PAN3: variants seen among roughly 807,000 people sequenced by gnomAD.
PAN3 encodes PAN2-PAN3 deadenylation complex subunit PAN3.
In PAN3, 19 loss-of-function variants were observed where a neutral mutation model predicts 96.2. That is an observed-to-expected ratio of 0.20 (90% CI 0.14 to 0.29). The LOEUF is 0.29. PAN3 is among the 10% of genes least tolerant of loss of function. The pLI, the probability that PAN3 is intolerant of heterozygous loss-of-function variation, is 1.00. For missense variants in PAN3, 882 were observed against 1,108.1 expected, an observed-to-expected ratio of 0.80 and a Z score of 2.90; for synonymous variants, 433 against 406.6, an observed-to-expected ratio of 1.06 and a Z score of -0.78.
At chr13:28,212,382 A>G (rs906110182) in intron 5 of PAN3, among the ~76,000 whole-genome samples, 1 of 152,182 alleles carries the variant, frequency 6.6e-6, no homozygotes, top group Non-Finnish European at 1.5e-5. Flanking sequence ...CAGAGAGCAA[A>G]GGTCAAGAAG....
intron 6 of PAN3, among the ~76,000 whole-genome samples, chr13:28,245,617 A>G (rs2138525300): frequency 6.6e-6 from 1 of 152,308 alleles, no homozygotes; most frequent in South Asian, 2.1e-4. Flanking sequence ...TACCATTCAA[A>G]TTCCACAGCA....
intron 1 of PAN3, among the ~76,000 whole-genome samples, chr13:28,169,667 C>T (rs1469291000): frequency 6.6e-6 from 1 of 152,154 alleles, no homozygotes; most frequent in Non-Finnish European, 1.5e-5. Flanking sequence ...CCTAACTGCA[C>T]TCCAAGTATC....
At chr13:28,271,782 G>GT (rs1886642494) in intron 13 of PAN3, among the ~76,000 whole-genome samples, 199 bp from the exon 14 acceptor site, 1 of 152,170 alleles carries the variant, frequency 6.6e-6, no homozygotes, top group Non-Finnish European at 1.5e-5. Flanking sequence ...ACAGCTGTAG[G>GT]TATATCACTT....
intron 12 of PAN3, among the ~76,000 whole-genome samples, chr13:28,270,372 C>T (rs1220127082): frequency 1.3e-5 from 2 of 152,168 alleles, no homozygotes; most frequent in African/African-American, 4.8e-5. Context: ...AGAAAAACCT[C>T]TACGGTTTCT....
chr13:28,144,211 GTT>G (rs972669575), intron 1 of PAN3, among the ~76,000 whole-genome samples: 13 of 101,558 alleles, frequency 1.3e-4, no homozygotes, highest in Middle Eastern at 6.4e-3. Flanking sequence ...AAGTTTTTTT[GTT>G]TTTTTTTTTT....
chr13:28,157,197 C>G (rs1261319326), intron 1 of PAN3, among the ~76,000 whole-genome samples: 1 of 151,904 alleles, frequency 6.6e-6, no homozygotes, highest in Non-Finnish European at 1.5e-5. Context: ...TAAAAACCCT[C>G]AATAAACTAG....
At chr13:28,230,410 C>T (rs1483176032) in intron 6 of PAN3, among the ~76,000 whole-genome samples, 2 of 150,980 alleles carry the variant, frequency 1.3e-5, no homozygotes, top group Non-Finnish European at 2.9e-5. Context: ...AGCAGAGTTC[C>T]ATGGATGGAA....
At chr13:28,232,416 C>G (rs1193207769) in intron 6 of PAN3, 1 of 151,858 alleles carries the variant, frequency 6.6e-6, no homozygotes, top group East Asian at 1.9e-4. Flanking sequence ...TGATTTGACC[C>G]ACTTTAAATG....
intron 6 of PAN3, among the ~76,000 whole-genome samples, chr13:28,249,492 A>G (rs1050218500): frequency 6.6e-6 from 1 of 152,006 alleles, no homozygotes; most frequent in Non-Finnish European, 1.5e-5. Context: ...TCTGTTGCCC[A>G]GGCTGGAGTA....
chr13:28,178,048 T>G (rs547085137), intron 4 of PAN3, 113 bp downstream of exon 4: 1 of 866,030 alleles, frequency 1.2e-6, no homozygotes, highest in African/African-American at 1.7e-5. Flanking sequence ...TTTTATGGGC[T>G]TTAGTGTTTT....
intron 5 of PAN3, among the ~76,000 whole-genome samples, chr13:28,205,438 T>C (rs1281726701): frequency 6.6e-6 from 1 of 152,128 alleles, no homozygotes; most frequent in Non-Finnish European, 1.5e-5. Context: ...CCTTACTCTA[T>C]CACTTTAGAG....
chr13:28,157,817 T>G (rs2138010266), intron 1 of PAN3, among the ~76,000 whole-genome samples: 1 of 152,322 alleles, frequency 6.6e-6, no homozygotes, highest in Middle Eastern at 3.4e-3. Flanking sequence ...CCTATCAACC[T>G]GCCAATGACA....
At chr13:28,272,630 C>T (rs933000797) in intron 14 of PAN3, among the ~76,000 whole-genome samples, 6 of 150,150 alleles carry the variant, frequency 4.0e-5, no homozygotes, top group Non-Finnish European at 3.0e-5. Flanking sequence ...AGTGCAATGG[C>T]GCGATCTCAA....
intron 5 of PAN3, chr13:28,214,816 A>C (rs1880526418): frequency 3.2e-6 from 2 of 632,922 alleles, no homozygotes; most frequent in East Asian, 2.8e-5. Context: ...TTCATCAAAA[A>C]CATGATTACT....
rs113019739 is a variant in PAN3 at position 28,201,584 on chromosome 13, G to A, written c.852+4238G>A. ...TAATTTTTTTTTTTAAGAGACGGGGGAGTGGGGGTCTCACTCTGTTGCCTA... is the reference window on the plus strand; with the variant it reads ...TAATTTTTTTTTTTAAGAGACGGGGAAGTGGGGGTCTCACTCTGTTGCCTA... On this transcript the variant is annotated intron_variant, in intron 5 of 18. Transcript: ENST00000380958. 9.7e-3 allele frequency among the ~76,000 whole-genome samples: 1,470 copies of A among 151,564 alleles called. 17 individuals carry two copies. The highest frequency in any genetic ancestry group is 0.034 in the African/African-American group (1,404 of 41,252).
intron 1 of PAN3, among the ~76,000 whole-genome samples, chr13:28,168,239 A>T (rs570416601): frequency 4.6e-5 from 7 of 152,332 alleles, no homozygotes; most frequent in African/African-American, 1.7e-4. Context: ...TTTGGGAATT[A>T]TTTGCATTAT....
chr13:28,170,885 C>T (rs1212795120), intron 1 of PAN3, among the ~76,000 whole-genome samples: 3 of 152,160 alleles, frequency 2.0e-5, no homozygotes, highest in Non-Finnish European at 4.4e-5. Context: ...CAACCTCTGC[C>T]TCCCAGGTTC....
intron 12 of PAN3, among the ~76,000 whole-genome samples, chr13:28,269,288 A>G (rs1407618473): frequency 6.6e-6 from 1 of 152,094 alleles, no homozygotes; most frequent in Non-Finnish European, 1.5e-5. Flanking sequence ...AATCATAATT[A>G]TTCTGTTTTT....
chr13:28,204,204 C>A (rs960504906), intron 5 of PAN3, among the ~76,000 whole-genome samples: 4 of 152,210 alleles, frequency 2.6e-5, no homozygotes, highest in Admixed American at 2.0e-4. Context: ...AAAAACACTT[C>A]ATTTCACCTA....
Sources: gnomAD v4.1 joint callset for allele counts (sites outside exome capture counted in the v4.1 genomes callset) on GRCh38, gnomAD v4.1.1 for gene constraint, MANE v1.5 for transcripts, NCBI Gene and HGNC (gene_info 2026-07-23, HGNC 2026-07-21) for gene names.